The following ADGRL2 variants were observed in gnomAD, a reference collection of about 807,000 sequenced individuals.
ADGRL2 encodes adhesion G protein-coupled receptor L2.
A neutral mutation model predicts 157.4 loss-of-function variants in ADGRL2; 44 were observed. That is an observed-to-expected ratio of 0.28 (90% CI 0.22 to 0.36). The LOEUF is 0.36. Among genes scored for constraint, ADGRL2 ranks in the 10% least tolerant of loss-of-function variants. The pLI is 1.00. For synonymous variants in ADGRL2, 585 were observed against 624.7 expected, an observed-to-expected ratio of 0.94 and a Z score of 0.95; for missense variants, 1,510 against 1,768.9, an observed-to-expected ratio of 0.85 and a Z score of 2.63.
chr1:81,819,215 G>A (rs1352162941), intron 1 of ADGRL2, among the ~76,000 whole-genome samples: 3 of 152,178 alleles, frequency 2.0e-5, no homozygotes, highest in Non-Finnish European at 4.4e-5. Context: ...AATGGCAGTA[G>A]ACAGATATGA....
chr1:81,625,982 G>A (rs553905268), intron 3 of ADGRL2, among the ~76,000 whole-genome samples: 125 of 152,242 alleles, frequency 8.2e-4, no homozygotes, highest in African/African-American at 2.9e-3. Context: ...TGAAGAGTGA[G>A]TAGCCTGCAG....
intron 1 of ADGRL2, among the ~76,000 whole-genome samples, chr1:81,833,610 G>A (rs1188395027): frequency 6.6e-6 from 1 of 152,172 alleles, no homozygotes; most frequent in East Asian, 1.9e-4. Context: ...GGCTAGGTGT[G>A]ATTTCCTGGT....
At chr1:81,466,927 C>G (rs1038119293) in intron 2 of ADGRL2, among the ~76,000 whole-genome samples, 1 of 151,990 alleles carries the variant, frequency 6.6e-6, no homozygotes, top group African/African-American at 2.4e-5. Flanking sequence ...TAATCAATCA[C>G]TCTGGAGATT....
chr1:81,711,428 A>G (rs2083924790), intron 1 of ADGRL2, among the ~76,000 whole-genome samples: 1 of 152,256 alleles, frequency 6.6e-6, no homozygotes, highest in African/African-American at 2.4e-5. Context: ...CAAGACGGTC[A>G]GACTTCGGTA....
chr1:81,619,778 A>G (rs1031361663), intron 3 of ADGRL2, among the ~76,000 whole-genome samples: 27 of 151,630 alleles, frequency 1.8e-4, no homozygotes, highest in Admixed American at 1.8e-3. Flanking sequence ...TTTTGCATTT[A>G]ATCCTCATAA....
At chr1:81,812,356 A>C (rs2089962094) in intron 1 of ADGRL2, among the ~76,000 whole-genome samples, 1 of 151,832 alleles carries the variant, frequency 6.6e-6, no homozygotes, top group Non-Finnish European at 1.5e-5. Context: ...GAGATGAGCC[A>C]AATTATAGTG....
chr1:81,841,124 T>A (rs2150299800), intron 2 of ADGRL2, among the ~76,000 whole-genome samples: 1 of 152,322 alleles, frequency 6.6e-6, no homozygotes, highest in Admixed American at 6.5e-5. Flanking sequence ...GAATCCTTTA[T>A]GCAGTGAATA....
At chr1:81,446,844 A>C (rs546387228) in intron 2 of ADGRL2, among the ~76,000 whole-genome samples, 1 of 152,156 alleles carries the variant, frequency 6.6e-6, no homozygotes, top group African/African-American at 2.4e-5. Flanking sequence ...ATAAGTGGAG[A>C]TATCATTTGT....
chr1:81,930,832 G>A (rs1027159761), intron 3 of ADGRL2, among the ~76,000 whole-genome samples: 4 of 152,002 alleles, frequency 2.6e-5, no homozygotes, highest in Non-Finnish European at 5.9e-5. Flanking sequence ...TAAACCATGA[G>A]TAAAATTCAG....
chr1:81,349,645 CA>C (rs1662736739), intron 1 of ADGRL2, among the ~76,000 whole-genome samples: 1 of 148,550 alleles, frequency 6.7e-6, no homozygotes, highest in Non-Finnish European at 1.5e-5. Flanking sequence ...CACACACACA[CA>C]CACACACACA....
At chr1:81,517,916 T>C (rs1317900706) in intron 2 of ADGRL2, among the ~76,000 whole-genome samples, 1 of 152,226 alleles carries the variant, frequency 6.6e-6, no homozygotes, top group Admixed American at 6.5e-5. Flanking sequence ...ATGCCTAAAA[T>C]TTCAGCATCA....
At chr1:81,774,600 C>T (rs1038777711) in intron 2 of ADGRL2, among the ~76,000 whole-genome samples, 3 of 152,092 alleles carry the variant, frequency 2.0e-5, no homozygotes, top group Admixed American at 6.6e-5. Flanking sequence ...CAGTATACAT[C>T]GTTGCTTATT....
intron 2 of ADGRL2, among the ~76,000 whole-genome samples, chr1:81,769,048 A>C (rs931257522): frequency 6.6e-6 from 1 of 152,080 alleles, no homozygotes; most frequent in African/African-American, 2.4e-5. Flanking sequence ...GCGGCACTGC[A>C]CTGCAGTCTG....
chr1:81,329,932 G>C (rs370950313), intron 1 of ADGRL2, among the ~76,000 whole-genome samples: 1 of 152,012 alleles, frequency 6.6e-6, no homozygotes. Context: ...CAGCTCTGCT[G>C]GTATAGATTT....
At chr1:81,962,502 T>G (rs1655748231) in intron 11 of ADGRL2, among the ~76,000 whole-genome samples, 1 of 152,118 alleles carries the variant, frequency 6.6e-6, no homozygotes, top group Admixed American at 6.6e-5. Context: ...ATATATCAGT[T>G]TATTCTTTTT....
At chr1:81,800,920 G>A (rs1041185293), upstream of ADGRL2, among the ~76,000 whole-genome samples, 5 of 149,264 alleles carry the variant, frequency 3.3e-5, no homozygotes, top group Non-Finnish European at 7.5e-5. Flanking sequence ...GGCCGCCTCC[G>A]GGGCGCGTTC....
At chr1:81,946,981 A>C (rs551541725) in intron 6 of ADGRL2, among the ~76,000 whole-genome samples, 2 of 152,314 alleles carry the variant, frequency 1.3e-5, no homozygotes, top group African/African-American at 4.8e-5. Context: ...GTACATAACC[A>C]GAGTAAACTG....
At chr1:81,840,014 G>A (rs1284345714) in intron 2 of ADGRL2, among the ~76,000 whole-genome samples, 1 of 136,450 alleles carries the variant, frequency 7.3e-6, no homozygotes, top group Non-Finnish European at 1.7e-5. Context: ...TGGGCATTTG[G>A]GTTGGTTCCA....
intron 1 of ADGRL2, among the ~76,000 whole-genome samples, chr1:81,736,571 G>C (rs990821142): frequency 6.6e-6 from 1 of 152,150 alleles, no homozygotes; most frequent in Admixed American, 6.5e-5. Context: ...ACTCTTCCTT[G>C]ACATGGACAT....
Sources: gnomAD v4.1 joint callset for allele counts (sites outside exome capture counted in the v4.1 genomes callset) on GRCh38, gnomAD v4.1.1 for gene constraint, MANE v1.5 for transcripts, NCBI Gene and HGNC (gene_info 2026-07-23, HGNC 2026-07-21) for gene names.